The following ARL8B variants were observed in gnomAD, a reference collection of about 807,000 sequenced individuals.
ARL8B encodes ADP-ribosylation factor-like protein 8B.
Under a neutral mutation model 30.6 loss-of-function variants are expected in ARL8B, and 9 were observed. The observed-to-expected ratio is 0.29, with a 90% CI of 0.18 to 0.51. ARL8B has a LOEUF of 0.51. Among genes scored for constraint, ARL8B ranks in the 20% least tolerant of loss-of-function variants. The pLI, the probability that ARL8B is intolerant of heterozygous loss-of-function variation, is 0.97. For missense variants in ARL8B, 130 were observed against 227.2 expected (o/e 0.57, Z 2.75); for synonymous variants, 74 against 76.0 (o/e 0.97, Z 0.14).
At chr3:5,175,320 A>T (rs750180448) in intron 6 of ARL8B, among the ~76,000 whole-genome samples, 1 of 152,186 alleles carries the variant, frequency 6.6e-6, no homozygotes, top group Non-Finnish European at 1.5e-5. Flanking sequence ...TCTTTGTGCT[A>T]TTTAAAGAAG....
intron 1 of ARL8B, among the ~76,000 whole-genome samples, chr3:5,146,316 C>T (rs1248595773): frequency 2.0e-5 from 3 of 152,150 alleles, no homozygotes; most frequent in Admixed American, 2.0e-4. Context: ...GGTGGCAGGT[C>T]TGGACAATTT....
At chr3:5,147,620 C>T (rs938394574) in intron 1 of ARL8B, among the ~76,000 whole-genome samples, 1 of 152,114 alleles carries the variant, frequency 6.6e-6, no homozygotes, top group Non-Finnish European at 1.5e-5. Context: ...ACTACCTCTT[C>T]CACAGTGGAA....
At chr3:5,139,597 C>T (rs893738217) in intron 1 of ARL8B, among the ~76,000 whole-genome samples, 2 of 152,160 alleles carry the variant, frequency 1.3e-5, no homozygotes, top group East Asian at 3.8e-4. Flanking sequence ...ACATCTTTGA[C>T]ATTTGTTTAG....
chr3:5,155,680 C>T lies in ARL8B; in HGVS notation c.124-14823C>T, dbSNP rs545313242. On this transcript the variant is annotated intron_variant, in intron 1 of 6. Coordinates refer to ENST00000256496, the MANE Select transcript of ARL8B (RefSeq NM_018184.3). ...TTGATTCCCCGTGCCCCCCCACCCC[C>T]GCCTGGTCAAATCAGCCTTCGTGTT... 3.4e-5 allele frequency among the ~76,000 whole-genome samples: 5 copies of T among 148,352 alleles called. No individual in the cohort carries two copies. The East Asian group carries it at 6.0e-4, about 18-fold the overall frequency.
chr3:5,143,418 C>T (rs773065011), intron 1 of ARL8B, among the ~76,000 whole-genome samples: 2 of 152,176 alleles, frequency 1.3e-5, no homozygotes, highest in African/African-American at 4.8e-5. Flanking sequence ...CATCCTTGTC[C>T]TGGTATAGAG....
At chr3:5,124,659 A>T (rs967479819) in intron 1 of ARL8B, among the ~76,000 whole-genome samples, 1 of 151,700 alleles carries the variant, frequency 6.6e-6, no homozygotes, top group Non-Finnish European at 1.5e-5. Context: ...TTTATTTTTT[A>T]TAAAGACGGG....
At chr3:5,128,388 A>G (rs1195247685) in intron 1 of ARL8B, 3 of 438,354 alleles carry the variant, frequency 6.8e-6, no homozygotes, top group Non-Finnish European at 1.4e-5. Context: ...GCATCTTACA[A>G]AGGAACATCT....
At chr3:5,123,158 G>A (rs1349150197) in intron 1 of ARL8B, among the ~76,000 whole-genome samples, 1 of 152,168 alleles carries the variant, frequency 6.6e-6, no homozygotes, top group Admixed American at 6.5e-5. Flanking sequence ...CCCCAGGCGC[G>A]GAGACCAAGC....
At chr3:5,147,808 A>G (rs1015693470) in intron 1 of ARL8B, among the ~76,000 whole-genome samples, 1 of 151,664 alleles carries the variant, frequency 6.6e-6, no homozygotes, top group Non-Finnish European at 1.5e-5. Flanking sequence ...GCCTTGCCCT[A>G]CTGGGTCCTC....
intron 1 of ARL8B, among the ~76,000 whole-genome samples, chr3:5,130,535 T>G (rs938395061): frequency 2.1e-5 from 3 of 145,870 alleles, no homozygotes; most frequent in African/African-American, 7.5e-5. Context: ...TGTGTGTGTG[T>G]TTTTTTTTTT....
chr3:5,173,935 G>C, intron 4 of ARL8B, 82 bp from the exon 5 acceptor site: 1 of 1,013,346 alleles, frequency 9.9e-7, no homozygotes, highest in Non-Finnish European at 1.6e-6. Context: ...TCTTAACTTT[G>C]TGTCTTCACA....
intron 1 of ARL8B, among the ~76,000 whole-genome samples, chr3:5,139,728 T>C (rs1393858293): frequency 2.0e-5 from 3 of 152,222 alleles, no homozygotes; most frequent in Admixed American, 6.5e-5. Context: ...CAGCTGTATT[T>C]CTTCATGGCC....
intron 1 of ARL8B, among the ~76,000 whole-genome samples, chr3:5,128,809 T>G (rs2054255135): frequency 6.6e-6 from 1 of 152,234 alleles, no homozygotes; most frequent in Non-Finnish European, 1.5e-5. Flanking sequence ...CGTTTTTGTC[T>G]TCTTAATGTG....
intron 1 of ARL8B, chr3:5,128,396 T>G: frequency 2.2e-6 from 1 of 448,650 alleles, no homozygotes; most frequent in South Asian, 1.6e-5. Flanking sequence ...CAAAGGAACA[T>G]CTCTACCTTC....
At chr3:5,138,686 T>C (rs993504824) in intron 1 of ARL8B, among the ~76,000 whole-genome samples, 3 of 152,222 alleles carry the variant, frequency 2.0e-5, no homozygotes, top group Non-Finnish European at 4.4e-5. Context: ...ACCCTGATGA[T>C]AGTAAGTGGA....
At chr3:5,126,155 CCT>C (rs1257509760) in intron 1 of ARL8B, among the ~76,000 whole-genome samples, 12 of 151,700 alleles carry the variant, frequency 7.9e-5, no homozygotes, top group African/African-American at 2.9e-4. Context: ...TAACCTAACC[CCT>C]GATTCTTATA....
At chr3:5,171,671 C>T (rs1244829090) in intron 2 of ARL8B, among the ~76,000 whole-genome samples, 1 of 152,132 alleles carries the variant, frequency 6.6e-6, no homozygotes, top group African/African-American at 2.4e-5. Context: ...ACAAGAAAAA[C>T]ACCTATGTGG....
At position 5,153,939 on chromosome 3, in the gene ARL8B, T is replaced by C. The variant is rs67965327; in HGVS notation, c.124-16564T>C. ...TTCAGACTGATAGTCTTTTTTTTTT[T>C]CCCCCTCCAGCACTTCGGAAGATGC... is the stretch of plus-strand genomic sequence containing the variant. On this transcript the variant is annotated intron_variant, in intron 1 of 6. Transcript: ENST00000256496. Among the ~76,000 whole-genome samples, 38 of 146,460 alleles carry C rather than the reference T, an allele frequency of 2.6e-4. 1 individual carries two copies. In the East Asian group the frequency reaches 4.2e-3, roughly 16 times the overall value.
At chr3:5,175,905 A>G (rs775035510) in intron 6 of ARL8B, among the ~76,000 whole-genome samples, 1 of 152,228 alleles carries the variant, frequency 6.6e-6, no homozygotes, top group Admixed American at 6.5e-5. Flanking sequence ...CTAATCCAGT[A>G]TGACCTTATC....
Sources: allele counts gnomAD v4.1 joint callset (sites outside exome capture counted in the v4.1 genomes callset), GRCh38; gene constraint gnomAD v4.1.1; transcripts MANE v1.5; gene names NCBI Gene and HGNC (gene_info 2026-07-23, HGNC 2026-07-21).